OGG1: variants seen among roughly 807,000 people sequenced by gnomAD.
OGG1 encodes N-glycosylase/DNA lyase.
A neutral mutation model predicts 42.3 loss-of-function variants in OGG1; 35 were observed. The ratio of observed to expected loss-of-function variants is 0.83; its 90% CI spans 0.63 to 1.10. OGG1 has a LOEUF of 1.10. Among genes scored for constraint, OGG1 ranks in the 50% least tolerant of loss-of-function variants. The pLI is 0.00. For missense variants in OGG1, 484 were observed against 446.7 expected (o/e 1.08, Z -0.75); for synonymous variants, 189 against 179.0 (o/e 1.06, Z -0.44).
chr3:9,752,517 G>A (rs1422998547), intron 3 of OGG1, among the ~76,000 whole-genome samples: 1 of 127,318 alleles, frequency 7.9e-6, no homozygotes, highest in South Asian at 2.3e-4. Context: ...GCAACAGAGC[G>A]AGACTCTGTC....
At chr3:9,785,274 A>C (rs763351842) in intron 3 of OGG1, 3 of 1,506,594 alleles carry the variant, frequency 2.0e-6, no homozygotes, top group Non-Finnish European at 2.8e-6. Flanking sequence ...AGCCAACAGA[A>C]GCGGGGGCCA....
chr3:9,791,069 A>T (rs2078719108), downstream of OGG1, among the ~76,000 whole-genome samples: 1 of 152,232 alleles, frequency 6.6e-6, no homozygotes. Flanking sequence ...CTGAATTAGA[A>T]ATCTTGCAAT....
chr3:9,764,520 C>A (rs2078044481), intron 7 of OGG1, among the ~76,000 whole-genome samples: 1 of 151,258 alleles, frequency 6.6e-6, no homozygotes, highest in Admixed American at 6.6e-5. Context: ...CCATGTTGGT[C>A]AGGCTGGTTT....
chr3:9,780,671 T>C, intron 2 of OGG1: 1 of 1,027,132 alleles, frequency 9.7e-7, no homozygotes, highest in Non-Finnish European at 1.4e-6. Context: ...TGTCATACAG[T>C]CGTGACCAAA....
intron 2 of OGG1, among the ~76,000 whole-genome samples, chr3:9,777,692 T>C (rs185520672): frequency 2.1e-4 from 32 of 152,258 alleles, no homozygotes; most frequent in Non-Finnish European, 2.6e-4. Context: ...CTAGGGTTCT[T>C]CTTTCTATTT....
At chr3:9,784,291 C>A in intron 3 of OGG1, 2 of 1,514,948 alleles carry the variant, frequency 1.3e-6, no homozygotes, top group Non-Finnish European at 1.8e-6. Context: ...CAGGGCTTCC[C>A]AAGGTCAGTG....
At chr3:9,758,366 C>T (rs971021973), downstream of OGG1, 3 of 155,536 alleles carry the variant, frequency 1.9e-5, no homozygotes, top group Non-Finnish European at 4.3e-5. Context: ...TGATAACCAT[C>T]TCAGTCATGG....
chr3:9,771,436 T>C (rs1246614277), downstream of OGG1, among the ~76,000 whole-genome samples: 1 of 152,206 alleles, frequency 6.6e-6, no homozygotes, highest in East Asian at 1.9e-4. Flanking sequence ...CCTCAGTTTC[T>C]TACTCGGGAA....
intron 2 of OGG1, among the ~76,000 whole-genome samples, chr3:9,781,079 A>G (rs868225233): frequency 1.3e-5 from 2 of 152,062 alleles, no homozygotes; most frequent in Admixed American, 6.5e-5. Flanking sequence ...ACAGTGAACT[A>G]TGATCATGCC....
chr3:9,773,168 G>T (rs2078322255), intron 2 of OGG1, among the ~76,000 whole-genome samples: 1 of 151,328 alleles, frequency 6.6e-6, no homozygotes, highest in Non-Finnish European at 1.5e-5. Context: ...GATGGAAGTT[G>T]CAGTGAGCTG....
intron 3 of OGG1, among the ~76,000 whole-genome samples, chr3:9,753,106 C>T (rs1033240167): frequency 2.6e-5 from 4 of 151,934 alleles, no homozygotes; most frequent in Non-Finnish European, 2.9e-5. Flanking sequence ...AATCCCAACA[C>T]TTTGGGAGGC....
intron 3 of OGG1, chr3:9,787,514 A>G (rs2078644207): frequency 9.6e-7 from 1 of 1,038,578 alleles, no homozygotes; most frequent in Non-Finnish European, 1.4e-6. Context: ...TTCACACTCT[A>G]GTAAGGGAGA....
downstream of OGG1, chr3:9,759,215 C>A (rs761032372): frequency 5.6e-6 from 9 of 1,614,008 alleles, no homozygotes; most frequent in Non-Finnish European, 7.6e-6. Context: ...ACTTTTATGA[C>A]CTTTCTCGGA....
chr3:9,765,380 A>C (rs771343890), intron 7 of OGG1, among the ~76,000 whole-genome samples: 1 of 152,204 alleles, frequency 6.6e-6, no homozygotes, highest in Non-Finnish European at 1.5e-5. Context: ...TCTGGGGGTC[A>C]GCAGACAGTC....
downstream of OGG1, among the ~76,000 whole-genome samples, chr3:9,770,331 C>T (rs1232030532): frequency 6.6e-6 from 1 of 152,164 alleles, no homozygotes. Context: ...CTCTGTCTCC[C>T]TTCTCCGTGC....
At chr3:9,787,974 T>G (rs2078655050) in exon 4 of OGG1, 1 of 333,236 alleles carries the variant, frequency 3.0e-6, no homozygotes, top group Admixed American at 4.3e-5. Flanking sequence ...GGCGAGATAC[T>G]TGGTGGGACT....
chr3:9,788,961 G>A (rs946305620), downstream of OGG1, among the ~76,000 whole-genome samples: 6 of 151,448 alleles, frequency 4.0e-5, no homozygotes, highest in African/African-American at 2.4e-5. Flanking sequence ...TCAGCCTCCC[G>A]AGTAGCTGGG....
downstream of OGG1, chr3:9,767,758 G>GC (rs753329780): frequency 3.7e-6 from 6 of 1,613,622 alleles, no homozygotes; most frequent in East Asian, 2.2e-5. Flanking sequence ...ATGGCCCACT[G>GC]CCCCCCGACC....
At chr3:9,779,466 G>A (rs1008905546) in intron 2 of OGG1, among the ~76,000 whole-genome samples, 35 of 151,956 alleles carry the variant, frequency 2.3e-4, no homozygotes, top group Non-Finnish European at 3.4e-4. Flanking sequence ...GGCAGAGGTC[G>A]ACACTGTGGA....
Sources: gnomAD v4.1 joint callset for allele counts (sites outside exome capture counted in the v4.1 genomes callset) on GRCh38, gnomAD v4.1.1 for gene constraint, MANE v1.5 for transcripts, NCBI Gene and HGNC (gene_info 2026-07-23, HGNC 2026-07-21) for gene names.